The following ACTR1A variants were observed in gnomAD, a reference collection of about 807,000 sequenced individuals.
ACTR1A encodes alpha-centractin.
In ACTR1A, 10 loss-of-function variants were observed where a neutral mutation model predicts 50.7. The observed-to-expected ratio is 0.20, with a 90% CI of 0.12 to 0.33. ACTR1A has a LOEUF of 0.33. ACTR1A is among the 10% of genes least tolerant of loss of function. The probability of loss-of-function intolerance (pLI) is 1.00; values close to 1 mark genes in which losing one functional copy is unlikely to be tolerated. For synonymous variants in ACTR1A, 177 were observed against 184.2 expected (o/e 0.96, Z 0.32); for missense variants, 253 against 491.7 (o/e 0.51, Z 4.59).
intron 1 of ACTR1A, among the ~76,000 whole-genome samples, chr10:102,500,600 C>CAAACAAA (rs71016388): frequency 7.7e-6 from 1 of 130,616 alleles, no homozygotes; most frequent in Non-Finnish European, 1.7e-5. Context: ...AACAAACAAA[C>CAAACAAA]AAACAAAAAT....
At chr10:102,490,457 T>C (rs2062186785) in intron 2 of ACTR1A, 92 bp downstream of exon 2, 2 of 1,007,306 alleles carry the variant, frequency 2.0e-6, no homozygotes, top group East Asian at 2.5e-5. Flanking sequence ...TTTTCCTTTG[T>C]TGACTCCAAA....
At chr10:102,484,599 A>G (rs1771397967) in intron 5 of ACTR1A, among the ~76,000 whole-genome samples, 1 of 152,208 alleles carries the variant, frequency 6.6e-6, no homozygotes, top group South Asian at 2.1e-4. Flanking sequence ...CCCCGTACCC[A>G]GAAGAGCAGG....
Position 102,482,762 on chromosome 10 carries a change from T to C in ACTR1A, c.750+249A>G, listed in dbSNP as rs2062150034. Reference sequence around the variant, plus strand: ...GGCCACACATAATATACACTAACACTAATGACAGCTGCTGAGCTAAAAAAA... The same window carrying C: ...GGCCACACATAATATACACTAACACCAATGACAGCTGCTGAGCTAAAAAAA... On this transcript the variant is annotated intron_variant, in intron 7 of 10. Coordinates refer to ENST00000369905, the MANE Select transcript of ACTR1A (RefSeq NM_005736.4). This position sits in a 1 kb window ranked among gnomAD's most constrained non-coding sequence, Gnocchi z 5.6. The C allele has an allele frequency of 3.8e-6, 2 of 524,488 alleles. No homozygotes were observed. The highest frequency in any genetic ancestry group is 4.7e-5 in the South Asian group (2 of 42,866). The allele number at this position is 524,488 out of a possible 1,614,324, so 32.5% of individuals were successfully genotyped here.
intron 1 of ACTR1A, among the ~76,000 whole-genome samples, chr10:102,496,822 A>G (rs1432639387): frequency 6.6e-6 from 1 of 152,220 alleles, no homozygotes; most frequent in Non-Finnish European, 1.5e-5. Context: ...TAGATAACTG[A>G]TAAGATTAAG....
chr10:102,481,212 C>T, intron 9 of ACTR1A, 40 bp from the exon 10 acceptor site: 2 of 1,540,780 alleles, frequency 1.3e-6, no homozygotes, highest in South Asian at 1.2e-5. Flanking sequence ...GACTTCCAGC[C>T]CTCCCGCTCC....
chr10:102,490,526 G>A (rs201847884), intron 2 of ACTR1A, 23 bp downstream of exon 2: 29 of 1,602,628 alleles, frequency 1.8e-5, no homozygotes, highest in Middle Eastern at 1.7e-4. Context: ...CCTCCAAAAC[G>A]TCTAAGCTAC....
At chr10:102,489,843 A>G (rs554119832) in intron 2 of ACTR1A, among the ~76,000 whole-genome samples, 3 of 148,580 alleles carry the variant, frequency 2.0e-5, no homozygotes, top group Non-Finnish European at 4.5e-5. Flanking sequence ...GATGCTATAG[A>G]TCGGACAGAT....
Position 102,483,059 on chromosome 10 carries a change from T to C in ACTR1A, c.702A>G (p.Leu234=). 6.2e-7 allele frequency: 1 copy of C among 1,614,228 alleles called. No homozygotes were observed. Among genetic ancestry groups the C allele is most frequent in the Non-Finnish European group, 8.5e-7 (1 of 1,180,026 alleles). Residue 234 remains leucine (L), a synonymous_variant, in exon 7 of 11, where the codon CTA becomes CTG. Transcript: ENST00000369905. The stretch of plus-strand genomic sequence containing the variant: ...GGTAGTACTGAGCTTTCTCTGTCTC[T>C]AGCGTCTCATCCTTTTGGGGGTTTA... ...LSINPQKDET[L]ETEKAQYYLP... is the part of the protein sequence containing the mutation.
chr10:102,484,549 A>C (rs531180403), intron 5 of ACTR1A, among the ~76,000 whole-genome samples, 173 bp from the exon 6 acceptor site: 1 of 152,074 alleles, frequency 6.6e-6, no homozygotes, highest in South Asian at 2.1e-4. Flanking sequence ...CAAGCCATGA[A>C]ATACCTGAAC....
Position 102,488,980 on chromosome 10 carries a change from C to A in ACTR1A, c.189+83G>T. ...TTGCCCCTTTTACTTATGGGTATGT[C>A]CAAATGTTGGGACATGTTCCATGTG... On this transcript the variant is annotated intron_variant, in intron 3 of 10. Transcript: ENST00000369905. The surrounding 1 kb of genome is among the most constrained non-coding windows in gnomAD (Gnocchi z 4.4). 9.2e-7 allele frequency: 1 copy of A among 1,085,582 alleles called. No homozygotes were observed. Among genetic ancestry groups the A allele is most frequent in the South Asian group, 2.4e-5 (1 of 42,368 alleles). 67.2% of individuals were successfully genotyped at this position (1,085,582 alleles called of 1,614,324 possible). A position where few individuals can be genotyped will look rare whatever the true frequency, so the allele number is the denominator to read the frequency against.
Position 102,480,798 on chromosome 10 carries a change from G to A in ACTR1A, c.*65C>T, listed in dbSNP as rs867282207. ...ACAGGCAGTTCCTCGCAAACACTCC[G>A]ACTCAAGAAAGCGAGTTTTAAAGTG... On this transcript the variant is annotated 3_prime_UTR_variant, in exon 11 of 11. Coordinates refer to ENST00000369905, the MANE Select transcript of ACTR1A (RefSeq NM_005736.4). 16 of 1,337,176 alleles carry A rather than the reference G, an allele frequency of 1.2e-5. No homozygotes were observed. Among genetic ancestry groups the A allele is most frequent in the South Asian group, 2.3e-5 (2 of 85,410 alleles). The allele number at this position is 1,337,176 out of a possible 1,614,324, so 82.8% of individuals were successfully genotyped here. A position where few individuals can be genotyped will look rare whatever the true frequency, so the allele number is the denominator to read the frequency against.
intron 3 of ACTR1A, 44 bp downstream of exon 3, chr10:102,489,019 G>T: frequency 7.1e-7 from 1 of 1,415,640 alleles, no homozygotes; most frequent in Non-Finnish European, 9.5e-7. Flanking sequence ...AATAATGAAG[G>T]TCCTCTGCTG....
rs1261362366 is a variant in ACTR1A, at chr10:102,502,590, C to T, written c.48+10G>A. ...CAAGTCCCCTTATAGATAGGAAAGACGCAACTCACGTTGTCGATCACGACA... is the reference window on the plus strand; with the variant it reads ...CAAGTCCCCTTATAGATAGGAAAGATGCAACTCACGTTGTCGATCACGACA... On this transcript the variant is annotated intron_variant, in intron 1 of 10. Coordinates refer to ENST00000369905, the MANE Select transcript of ACTR1A (RefSeq NM_005736.4). The T allele has an allele frequency of 6.2e-7, 1 of 1,614,154 alleles. No homozygotes were observed. The highest frequency in any genetic ancestry group is 8.5e-7 in the Non-Finnish European group (1 of 1,179,956).
intron 9 of ACTR1A, 65 bp from the exon 10 acceptor site, chr10:102,481,237 C>T: frequency 6.7e-7 from 1 of 1,483,044 alleles, no homozygotes; most frequent in Non-Finnish European, 9.1e-7. Flanking sequence ...CCCTACAATG[C>T]TCCTCTTTCT....
intron 1 of ACTR1A, among the ~76,000 whole-genome samples, chr10:102,490,897 G>C (rs934147857): frequency 4.6e-5 from 7 of 152,016 alleles, no homozygotes; most frequent in Non-Finnish European, 8.8e-5. Context: ...GGAGGCTGAG[G>C]TGGGAGAATC....
intron 4 of ACTR1A, among the ~76,000 whole-genome samples, chr10:102,487,600 T>C (rs936977316): frequency 6.6e-6 from 1 of 151,898 alleles, no homozygotes. Flanking sequence ...CTTTGTTCAC[T>C]TGGTGACCTT....
chr10:102,482,428 G>A lies in ACTR1A; in HGVS notation c.751-253C>T, dbSNP rs1307710475. 1 of 535,816 alleles carries A rather than the reference G, an allele frequency of 1.9e-6. No individual in the cohort carries two copies. The highest frequency in any genetic ancestry group is 3.3e-6 in the Non-Finnish European group (1 of 301,098). 33.2% of individuals were successfully genotyped at this position (535,816 alleles called of 1,614,324 possible). ...AAGAGGTCTTTGGCATCAGTACATG[G>A]ATTTATTTGCTCATGGAAACGTCTT... is the stretch of plus-strand genomic sequence containing the variant. On this transcript the variant is annotated intron_variant, in intron 7 of 10. Transcript: ENST00000369905. The surrounding 1 kb of genome is among the most constrained non-coding windows in gnomAD (Gnocchi z 5.6).
At chr10:102,489,917 C>T (rs539718659) in intron 2 of ACTR1A, among the ~76,000 whole-genome samples, 32 of 152,032 alleles carry the variant, frequency 2.1e-4, no homozygotes, top group Admixed American at 5.9e-4. Flanking sequence ...CTCCTGCCTG[C>T]AGTCTCTCTG....
intron 1 of ACTR1A, among the ~76,000 whole-genome samples, chr10:102,502,171 C>A (rs1014123503): frequency 7.2e-5 from 11 of 152,228 alleles, no homozygotes; most frequent in Non-Finnish European, 1.3e-4. Context: ...AATATGGCGG[C>A]AAGGAAGAAT....
Sources: gnomAD v4.1 joint callset for allele counts (sites outside exome capture counted in the v4.1 genomes callset) on GRCh38, gnomAD v4.1.1 for gene constraint, Gnocchi (gnomAD v3.1) non-coding constraint, MANE v1.5 for transcripts, NCBI Gene and HGNC (gene_info 2026-07-23, HGNC 2026-07-21) for gene names.